Variants in N4BP2L2 observed in about 807,000 individuals in gnomAD.
The protein encoded by N4BP2L2 is NEDD4 binding protein 2 like 2, also known as NEDD4-binding protein 2-like 2.
N4BP2L2 carries 50 observed loss-of-function variants against 56.2 expected under a neutral mutation model. The ratio of observed to expected loss-of-function variants is 0.89; its 90% confidence interval spans 0.71 to 1.13. The LOEUF (loss-of-function observed/expected upper bound fraction) is 1.13, where lower values mean the gene tolerates loss of function less well. Among genes scored for constraint, N4BP2L2 ranks in the 50% most tolerant of loss-of-function variants. The pLI, the probability that N4BP2L2 is intolerant of heterozygous loss-of-function variation, is 0.00. For synonymous variants in N4BP2L2, 203 were observed against 223.6 expected (o/e 0.91, Z 0.82); for missense variants, 689 against 693.8 (o/e 0.99, Z 0.08).
At chr13:32,500,661 T>C (rs1258115726) in intron 6 of N4BP2L2, among the ~76,000 whole-genome samples, 2 of 150,274 alleles carry the variant, frequency 1.3e-5, no homozygotes, top group African/African-American at 4.9e-5. Context: ...AAGGCTGCAG[T>C]GAGCTATGAT....
intron 6 of N4BP2L2, among the ~76,000 whole-genome samples, chr13:32,495,061 C>T (rs1161185135): frequency 6.6e-6 from 1 of 150,936 alleles, no homozygotes; most frequent in East Asian, 2.0e-4. Flanking sequence ...CAATTAGCTC[C>T]AGCGAATACA....
chr13:32,494,217 A>G (rs2087903052), intron 6 of N4BP2L2, among the ~76,000 whole-genome samples: 1 of 152,056 alleles, frequency 6.6e-6, no homozygotes, highest in Non-Finnish European at 1.5e-5. Context: ...TGGGAGGCGG[A>G]GGTTGCAGTG....
intron 6 of N4BP2L2, among the ~76,000 whole-genome samples, chr13:32,480,301 A>G (rs2084344365): frequency 6.6e-6 from 1 of 152,186 alleles, no homozygotes; most frequent in Non-Finnish European, 1.5e-5. Flanking sequence ...CAAAATAAAT[A>G]TATTTATTTT....
chr13:32,463,386 A>T (rs968790200), intron 6 of N4BP2L2, among the ~76,000 whole-genome samples: 1 of 152,138 alleles, frequency 6.6e-6, no homozygotes, highest in Non-Finnish European at 1.5e-5. Flanking sequence ...CACATAGGCC[A>T]GGTGGGGTGG....
intron 1 of N4BP2L2, among the ~76,000 whole-genome samples, chr13:32,538,075 G>GT (rs575431981): frequency 2.2e-5 from 3 of 138,964 alleles, no homozygotes; most frequent in Non-Finnish European, 4.7e-5. Flanking sequence ...CGTCTTGGGG[G>GT]GGGGGGGCGG....
At chr13:32,495,788 A>G (rs2088450808) in intron 6 of N4BP2L2, among the ~76,000 whole-genome samples, 1 of 152,022 alleles carries the variant, frequency 6.6e-6, no homozygotes, top group African/African-American at 2.4e-5. Context: ...GGTTCAAGCA[A>G]TTCTCCTGCC....
chr13:32,462,307 A>C (rs941944225), intron 6 of N4BP2L2, among the ~76,000 whole-genome samples: 1 of 152,212 alleles, frequency 6.6e-6, no homozygotes, highest in African/African-American at 2.4e-5. Flanking sequence ...GATGAATGGA[A>C]CTGGAGGTCA....
At chr13:32,451,252 A>G (rs2077961709) in intron 6 of N4BP2L2, among the ~76,000 whole-genome samples, 1 of 152,090 alleles carries the variant, frequency 6.6e-6, no homozygotes, top group African/African-American at 2.4e-5. Context: ...TGGGCAACAT[A>G]GCAAGATTCT....
At chr13:32,460,209 G>A (rs745980423) in intron 6 of N4BP2L2, among the ~76,000 whole-genome samples, 2 of 152,056 alleles carry the variant, frequency 1.3e-5, no homozygotes, top group Non-Finnish European at 2.9e-5. Flanking sequence ...TACTGAATGG[G>A]GAAAAGCTGA....
At chr13:32,481,312 C>T (rs1052743061) in intron 6 of N4BP2L2, among the ~76,000 whole-genome samples, 5 of 152,004 alleles carry the variant, frequency 3.3e-5, no homozygotes, top group Admixed American at 1.3e-4. Flanking sequence ...CAAAGCTCCA[C>T]GTACACAGCC....
At chr13:32,532,590 CTT>C (rs759146834) in intron 2 of N4BP2L2, among the ~76,000 whole-genome samples, 20 of 128,368 alleles carry the variant, frequency 1.6e-4, no homozygotes, top group African/African-American at 1.7e-4. Flanking sequence ...TTTCTTTTTT[CTT>C]TTTTTTTTTT....
intron 9 of N4BP2L2, among the ~76,000 whole-genome samples, chr13:32,435,917 GTTTAT>G: frequency 6.6e-6 from 1 of 152,130 alleles, no homozygotes; most frequent in Non-Finnish European, 1.5e-5. Flanking sequence ...AATGCAATGT[GTTTAT>G]TTTAATGTCA....
intron 6 of N4BP2L2, among the ~76,000 whole-genome samples, chr13:32,487,055 A>G (rs191550539): frequency 6.6e-6 from 1 of 152,210 alleles, no homozygotes; most frequent in Non-Finnish European, 1.5e-5. Context: ...AGCCAGGCAC[A>G]GTGGCCCGCA....
At chr13:32,490,199 G>A (rs1250732958) in intron 6 of N4BP2L2, 1 of 151,896 alleles carries the variant, frequency 6.6e-6, no homozygotes, top group Non-Finnish European at 1.5e-5. Flanking sequence ...GTGAAGTTTT[G>A]TCTGCCTACT....
At chr13:32,473,558 T>C (rs2082710256) in intron 6 of N4BP2L2, among the ~76,000 whole-genome samples, 1 of 152,218 alleles carries the variant, frequency 6.6e-6, no homozygotes, top group East Asian at 1.9e-4. Context: ...ATCTTATAAT[T>C]CTATAGGTCA....
intron 7 of N4BP2L2, among the ~76,000 whole-genome samples, chr13:32,440,851 C>T (rs1158094578): frequency 2.2e-5 from 3 of 134,612 alleles, no homozygotes; most frequent in Admixed American, 7.8e-5. Context: ...AAATAACAAT[C>T]TTTTTTTTTT....
In N4BP2L2 at chr13:32,479,498, G is replaced by C. The variant is rs535374115; in HGVS notation, c.366-35372C>G. On this transcript the variant is annotated intron_variant, in intron 6 of 9. Coordinates refer to the N4BP2L2 transcript ENST00000357505. The stretch of plus-strand genomic sequence containing the variant: ...GGGTTTCACTGTGTTAGCCAGGATG[G>C]TCTCGATCTCCTGACCTCGTGATCC... Among the ~76,000 whole-genome samples the C allele has an allele frequency of 2.1e-3, 320 of 151,778 alleles. 2 individuals carry two copies. Among genetic ancestry groups the C allele is most frequent in the African/African-American group, 7.5e-3 (311 of 41,408 alleles).
intron 5 of N4BP2L2, among the ~76,000 whole-genome samples, chr13:32,520,362 A>T (rs1272993356): frequency 6.6e-6 from 1 of 151,894 alleles, no homozygotes; most frequent in Non-Finnish European, 1.5e-5. Flanking sequence ...AAAGTTAAAA[A>T]AAAAAAAAAA....
chr13:32,519,736 T>A (rs1016126556), intron 5 of N4BP2L2, among the ~76,000 whole-genome samples: 15 of 151,166 alleles, frequency 9.9e-5, no homozygotes, highest in East Asian at 1.9e-4. Context: ...TTTTTTAATT[T>A]AAAAAAAAAG....
Sources: gnomAD v4.1 joint callset for allele counts (sites outside exome capture counted in the v4.1 genomes callset) on GRCh38, gnomAD v4.1.1 for gene constraint, MANE v1.5 for transcripts, NCBI Gene and HGNC (gene_info 2026-07-23, HGNC 2026-07-21) for gene names.